The following MED30 variants were observed in gnomAD, a reference collection of about 807,000 sequenced individuals.
The protein encoded by MED30 is mediator complex subunit 30, also known as mediator of RNA polymerase II transcription subunit 30.
Under a neutral mutation model 21.7 loss-of-function variants are expected in MED30, and 8 were observed. The ratio of observed to expected loss-of-function variants is 0.37; its 90% CI spans 0.22 to 0.67. The LOEUF (loss-of-function observed/expected upper bound fraction) is 0.67, where lower values mean the gene tolerates loss of function less well. Ranked by LOEUF, MED30 falls within the 30% of genes least tolerant of loss-of-function variation. The probability of loss-of-function intolerance (pLI) is 0.58; values close to 1 mark genes in which losing one functional copy is unlikely to be tolerated. For synonymous variants in MED30, 79 were observed against 86.7 expected (o/e 0.91, Z 0.49); for missense variants, 203 against 228.2 (o/e 0.89, Z 0.71).
chr8:117,537,637 C>T (rs766409253), intron 3 of MED30, among the ~76,000 whole-genome samples: 7 of 151,976 alleles, frequency 4.6e-5, no homozygotes, highest in African/African-American at 7.2e-5. Flanking sequence ...AAAACAATTA[C>T]GAGGCTTAAA....
chr8:117,524,408 T>C (rs1818688724), intron 1 of MED30, among the ~76,000 whole-genome samples: 1 of 152,226 alleles, frequency 6.6e-6, no homozygotes, highest in African/African-American at 2.4e-5. Context: ...TGGTTCCTGG[T>C]ATACACTAGA....
intron 3 of MED30, among the ~76,000 whole-genome samples, chr8:117,533,991 T>C (rs1818829154): frequency 6.6e-6 from 1 of 152,200 alleles, no homozygotes; most frequent in African/African-American, 2.4e-5. Context: ...TAAAATTCTA[T>C]GTTGTAAGTT....
intron 1 of MED30, 125 bp downstream of exon 1, chr8:117,521,178 C>CT: frequency 1.2e-6 from 1 of 839,472 alleles, no homozygotes; most frequent in Non-Finnish European, 1.8e-6. Context: ...GGTGTAGGGT[C>CT]TCCCCCATTC....
chr8:117,534,886 A>ATTTTTT (rs1818850221), intron 3 of MED30, among the ~76,000 whole-genome samples: 1 of 129,320 alleles, frequency 7.7e-6, no homozygotes, highest in African/African-American at 3.0e-5. Flanking sequence ...GGGCTTTTTA[A>ATTTTTT]TTCATTCCTT....
chr8:117,524,853 C>T (rs1818695262), intron 1 of MED30, among the ~76,000 whole-genome samples: 1 of 151,930 alleles, frequency 6.6e-6, no homozygotes, highest in African/African-American at 2.4e-5. Flanking sequence ...TATACACAAC[C>T]ATTTTGTACC....
At chr8:117,530,893 G>A (rs1818784343) in intron 3 of MED30, 66 bp downstream of exon 3, 2 of 1,075,522 alleles carry the variant, frequency 1.9e-6, no homozygotes, top group Non-Finnish European at 2.8e-6. Flanking sequence ...GGAGTCTGAT[G>A]TAACTCCAAA....
At chr8:117,537,226 A>G (rs1018412365) in intron 3 of MED30, among the ~76,000 whole-genome samples, 1 of 152,230 alleles carries the variant, frequency 6.6e-6, no homozygotes, top group Non-Finnish European at 1.5e-5. Flanking sequence ...AGTTAGCATC[A>G]ACTTTTTTTA....
intron 1 of MED30, among the ~76,000 whole-genome samples, chr8:117,521,503 T>C (rs1818619983): frequency 6.6e-6 from 1 of 152,194 alleles, no homozygotes; most frequent in Non-Finnish European, 1.5e-5. Context: ...TTGATATATA[T>C]GTGTACTGTA....
chr8:117,539,364 C>T (rs151151161), intron 3 of MED30, among the ~76,000 whole-genome samples: 1,938 of 152,180 alleles, frequency 0.013, 13 homozygotes, highest in Non-Finnish European at 0.019. Flanking sequence ...GTGGCTGGAG[C>T]CTGTAATTCT....
intron 1 of MED30, among the ~76,000 whole-genome samples, chr8:117,526,728 G>A (rs1818725103): frequency 6.6e-6 from 1 of 151,500 alleles, no homozygotes; most frequent in African/African-American, 2.4e-5. Flanking sequence ...CTAGAACAGT[G>A]CTGACACATG....
intron 3 of MED30, among the ~76,000 whole-genome samples, chr8:117,533,869 G>A (rs1270481815): frequency 3.9e-5 from 6 of 152,074 alleles, no homozygotes; most frequent in African/African-American, 1.2e-4. Context: ...CCCTTTTCTT[G>A]GTTTTCTTCC....
intron 1 of MED30, chr8:117,523,751 G>C: frequency 8.5e-7 from 1 of 1,173,300 alleles, no homozygotes; most frequent in Middle Eastern, 2.9e-4. Flanking sequence ...GCTCACGCCT[G>C]TAATCCCAGC....
intron 3 of MED30, among the ~76,000 whole-genome samples, chr8:117,534,852 T>TTTTTG (rs1261260723): frequency 6.9e-6 from 1 of 145,556 alleles, no homozygotes; most frequent in African/African-American, 2.5e-5. Flanking sequence ...AACAAATTGT[T>TTTTTG]TTTTTTTTTT....
chr8:117,522,823 A>C (rs1170525525), intron 1 of MED30, among the ~76,000 whole-genome samples: 2 of 152,202 alleles, frequency 1.3e-5, no homozygotes, highest in Non-Finnish European at 2.9e-5. Flanking sequence ...AGTACGGATT[A>C]AATAATGTCT....
At chr8:117,523,737 G>A in intron 1 of MED30, 2 of 1,337,252 alleles carry the variant, frequency 1.5e-6, no homozygotes, top group Non-Finnish European at 2.1e-6. Flanking sequence ...GGCTAGGCGC[G>A]GTGGCTCACG....
chr8:117,538,181 G>A (rs1452738137), intron 3 of MED30, among the ~76,000 whole-genome samples: 1 of 152,110 alleles, frequency 6.6e-6, no homozygotes. Flanking sequence ...TAGAAGATGG[G>A]TCATCTGAAA....
At chr8:117,532,779 C>T (rs1586864396) in intron 3 of MED30, among the ~76,000 whole-genome samples, 1 of 151,994 alleles carries the variant, frequency 6.6e-6, no homozygotes, top group South Asian at 2.1e-4. Flanking sequence ...GATTGTAATA[C>T]ATGACAATCA....
At chr8:117,530,683 A>G in intron 2 of MED30, 40 bp from the exon 3 acceptor site, 2 of 1,448,850 alleles carry the variant, frequency 1.4e-6, no homozygotes, top group Non-Finnish European at 1.9e-6. Flanking sequence ...GAAAACTTGA[A>G]TTATATTTTT....
intron 1 of MED30, among the ~76,000 whole-genome samples, chr8:117,528,029 C>T (rs1487921906): frequency 6.6e-6 from 1 of 151,762 alleles, no homozygotes; most frequent in Non-Finnish European, 1.5e-5. Flanking sequence ...ATATCTAAGG[C>T]AGAGTTATGA....
Sources: allele counts gnomAD v4.1 joint callset (sites outside exome capture counted in the v4.1 genomes callset), GRCh38; gene constraint gnomAD v4.1.1; transcripts MANE v1.5; gene names NCBI Gene and HGNC (gene_info 2026-07-23, HGNC 2026-07-21).